Variants in MAP2K4 observed in about 807,000 individuals in gnomAD.
The protein encoded by MAP2K4 is dual specificity mitogen-activated protein kinase kinase 4.
Under a neutral mutation model 48.5 loss-of-function variants are expected in MAP2K4, and 4 were observed. The observed-to-expected ratio is 0.08, with a 90% CI of 0.04 to 0.19. The LOEUF (loss-of-function observed/expected upper bound fraction) is 0.19. MAP2K4 is among the 10% of genes least tolerant of loss of function. The pLI is 1.00. For missense variants in MAP2K4, 258 were observed against 493.3 expected (o/e 0.52, Z 4.52); for synonymous variants, 166 against 173.1 (o/e 0.96, Z 0.32).
Position 12,125,510 on chromosome 17 carries a change from AAAGT to A in MAP2K4, c.891+141_891+144del, listed in dbSNP as rs1039797646. On this transcript the variant is annotated intron_variant, in intron 8 of 10. Transcript: ENST00000353533. Reference sequence around the variant, plus strand: ...ATGGTTTTAAGTTGCTGAAAAAAAAAAAGTATGTATTTATTTACTTTAAAAATCA... The same window carrying A: ...ATGGTTTTAAGTTGCTGAAAAAAAAAATGTATTTATTTACTTTAAAAATCA... 1.3e-5 allele frequency: 9 copies of A among 669,104 alleles called. No homozygotes were observed. The African/African-American group carries it at 1.5e-4, about 11-fold the overall frequency. The allele number at this position is 669,104 out of a possible 1,614,324, so 41.4% of individuals were successfully genotyped here. A position where few individuals can be genotyped will look rare whatever the true frequency, so the allele number is the denominator to read the frequency against.
At position 12,078,985 on chromosome 17, in the gene MAP2K4, GT is replaced by G. The variant is rs36024168; in HGVS notation, c.219-2366del. The stretch of plus-strand genomic sequence containing the variant: ...CTTGGTGATGTCATAACTGTGGCAT[GT>G]TTTTCTGTGGTTTTTACAGCACTTT... On this transcript the variant is annotated intron_variant, in intron 2 of 10. Coordinates refer to ENST00000353533, the MANE Select transcript of MAP2K4 (RefSeq NM_003010.4). Among the ~76,000 whole-genome samples, 465 of 152,290 alleles carry G rather than the reference GT, an allele frequency of 3.1e-3. 4 individuals carry two copies. The highest frequency in any genetic ancestry group is 0.014 in the Middle Eastern group (4 of 294).
intron 5 of MAP2K4, 103 bp downstream of exon 5, chr17:12,108,012 T>A: frequency 1.9e-6 from 2 of 1,041,548 alleles, no homozygotes; most frequent in Non-Finnish European, 2.7e-6. Context: ...AGTACCTTCC[T>A]GAAAATAATT....
intron 2 of MAP2K4, among the ~76,000 whole-genome samples, chr17:12,064,021 G>GGGGA (rs546253377): frequency 2.1e-5 from 2 of 93,616 alleles, no homozygotes; most frequent in East Asian, 3.7e-4. Flanking sequence ...GGGAAGGGGG[G>GGGGA]GAGAGAGAGA....
chr17:12,114,628 G>A (rs964916580), intron 7 of MAP2K4, among the ~76,000 whole-genome samples: 3 of 152,074 alleles, frequency 2.0e-5, no homozygotes, highest in African/African-American at 4.8e-5. Flanking sequence ...AGGATACCCC[G>A]AGAATGAACT....
intron 7 of MAP2K4, chr17:12,115,641 A>T: frequency 1.3e-6 from 1 of 749,618 alleles, no homozygotes; most frequent in Non-Finnish European, 2.5e-6. Flanking sequence ...TTGGTGGTTA[A>T]CGCTTATTAA....
At chr17:12,098,331 A>G (rs1971826458) in intron 4 of MAP2K4, among the ~76,000 whole-genome samples, 1 of 152,034 alleles carries the variant, frequency 6.6e-6, no homozygotes, top group Non-Finnish European at 1.5e-5. Context: ...TACAAAAATT[A>G]GCCAGGCGTG....
intron 2 of MAP2K4, among the ~76,000 whole-genome samples, chr17:12,074,243 T>C (rs1347292154): frequency 6.6e-6 from 1 of 152,208 alleles, no homozygotes; most frequent in East Asian, 1.9e-4. Context: ...TTGCAATTGA[T>C]TGATGTTTTT....
intron 3 of MAP2K4, among the ~76,000 whole-genome samples, chr17:12,082,339 G>T (rs1018521142): frequency 3.3e-5 from 5 of 152,146 alleles, no homozygotes; most frequent in African/African-American, 1.2e-4. Flanking sequence ...GCAACAGGGG[G>T]AACAACTTGC....
At chr17:12,057,250 A>G (rs1293166243) in intron 2 of MAP2K4, among the ~76,000 whole-genome samples, 1 of 152,202 alleles carries the variant, frequency 6.6e-6, no homozygotes, top group Admixed American at 6.5e-5. Flanking sequence ...ATCATTTTAG[A>G]AAACCTACTT....
intron 2 of MAP2K4, among the ~76,000 whole-genome samples, chr17:12,076,544 A>C (rs1352412454): frequency 6.6e-6 from 1 of 152,226 alleles, no homozygotes; most frequent in East Asian, 1.9e-4. Flanking sequence ...TAACAAGATA[A>C]ATCTCTGATA....
chr17:12,021,900 CAG>C (rs1374748148), intron 1 of MAP2K4, among the ~76,000 whole-genome samples: 10 of 152,156 alleles, frequency 6.6e-5, no homozygotes, highest in East Asian at 1.9e-4. Flanking sequence ...TGGCTTTTGA[CAG>C]GGGGTGTTGT....
At chr17:12,099,790 G>A (rs897129409) in intron 4 of MAP2K4, among the ~76,000 whole-genome samples, 5 of 152,130 alleles carry the variant, frequency 3.3e-5, no homozygotes, top group African/African-American at 1.2e-4. Context: ...TCTTAACAGT[G>A]CTGAAACCTA....
At chr17:12,072,347 T>C (rs138475974) in intron 2 of MAP2K4, among the ~76,000 whole-genome samples, 1 of 152,286 alleles carries the variant, frequency 6.6e-6, no homozygotes, top group African/African-American at 2.4e-5. Flanking sequence ...TTTCAGGAAG[T>C]TTCTTAGAAG....
intron 4 of MAP2K4, among the ~76,000 whole-genome samples, chr17:12,100,748 T>C (rs564330473): frequency 1.3e-5 from 2 of 152,282 alleles, no homozygotes; most frequent in East Asian, 1.9e-4. Flanking sequence ...TGTTAATCTT[T>C]AGCCGTTCTA....
chr17:12,103,852 G>C (rs865852282), intron 4 of MAP2K4, among the ~76,000 whole-genome samples: 1 of 151,902 alleles, frequency 6.6e-6, no homozygotes, highest in Non-Finnish European at 1.5e-5. Context: ...TACAGATTTA[G>C]TTAATTTATT....
At chr17:12,090,600 T>C (rs1449385965) in intron 3 of MAP2K4, among the ~76,000 whole-genome samples, 2 of 152,136 alleles carry the variant, frequency 1.3e-5, no homozygotes, top group East Asian at 3.9e-4. Flanking sequence ...TTCCTAACCT[T>C]ACCCCTTAAT....
At chr17:12,023,438 G>A (rs1969156529) in intron 1 of MAP2K4, among the ~76,000 whole-genome samples, 1 of 152,150 alleles carries the variant, frequency 6.6e-6, no homozygotes. Context: ...AGACTTCACA[G>A]AGTGGGCCTT....
chr17:12,072,869 T>C (rs1597438552), intron 2 of MAP2K4, among the ~76,000 whole-genome samples: 1 of 152,206 alleles, frequency 6.6e-6, no homozygotes, highest in Non-Finnish European at 1.5e-5. Context: ...TGAGGGTGTT[T>C]AATAAGTAGG....
intron 9 of MAP2K4, among the ~76,000 whole-genome samples, chr17:12,131,209 T>C (rs191778552): frequency 1.3e-5 from 2 of 151,816 alleles, no homozygotes; most frequent in East Asian, 3.9e-4. Flanking sequence ...CGATCTGGAC[T>C]TAGTTTATTG....
Sources: gnomAD v4.1 joint callset for allele counts (sites outside exome capture counted in the v4.1 genomes callset) on GRCh38, gnomAD v4.1.1 for gene constraint, MANE v1.5 for transcripts, NCBI Gene and HGNC (gene_info 2026-07-23, HGNC 2026-07-21) for gene names.